CDC42BPB: variants seen among roughly 807,000 people sequenced by gnomAD.
CDC42BPB encodes the protein serine/threonine-protein kinase MRCK beta.
Under a neutral mutation model 214.9 loss-of-function variants are expected in CDC42BPB, and 37 were observed. That is an observed-to-expected ratio of 0.17 (90% CI 0.13 to 0.23). The LOEUF is 0.23. CDC42BPB is among the 10% of genes least tolerant of loss of function. The probability of loss-of-function intolerance (pLI) is 1.00; values close to 1 mark genes in which losing one functional copy is unlikely to be tolerated. For synonymous variants in CDC42BPB, 931 were observed against 884.0 expected, an observed-to-expected ratio of 1.05 and a Z score of -0.94; for missense variants, 1,694 against 2,227.0, an observed-to-expected ratio of 0.76 and a Z score of 4.82.
chr14:102,980,798 A>G lies in CDC42BPB; in HGVS notation c.1115T>C (p.Val372Ala). The change falls in exon 8 of 37, where the codon GTG (valine) becomes GCG (alanine). Residue 372 changes from valine to alanine, a missense_variant. By Grantham distance (64) the Val-to-Ala change is moderately conservative. Coordinates refer to ENST00000361246, the MANE Select transcript of CDC42BPB (RefSeq NM_006035.4). ...CGTGTTTCTCAGCACGTCGTCATCC[A>G]CGTCGAAGTTGGATGTGTCAGAGGG... ...SSPSDTSNFD[V>A]DDDVLRNTEI... 6.2e-7 allele frequency: 1 copy of G among 1,614,190 alleles called. No individual in the cohort carries two copies. Among genetic ancestry groups the G allele is most frequent in the Non-Finnish European group, 8.5e-7 (1 of 1,180,014 alleles).
intron 12 of CDC42BPB, among the ~76,000 whole-genome samples, chr14:102,973,264 C>G (rs912519169): frequency 6.6e-6 from 1 of 152,170 alleles, no homozygotes; most frequent in African/African-American, 2.4e-5. Flanking sequence ...CGTGGATGAC[C>G]CACAGATTAT....
intron 16 of CDC42BPB, 123 bp downstream of exon 16, chr14:102,968,130 G>T: frequency 1.5e-6 from 1 of 653,448 alleles, no homozygotes; most frequent in Non-Finnish European, 2.6e-6. Flanking sequence ...ACTCAAGAAT[G>T]ACGACATTCT....
rs539699380 is a variant in CDC42BPB, at chr14:103,004,569, C to A, written c.352-546G>T. Among the ~76,000 whole-genome samples the A allele has an allele frequency of 6.6e-6, 1 of 152,220 alleles. No individual in the cohort carries two copies. Among genetic ancestry groups the A allele is most frequent in the Non-Finnish European group, 1.5e-5 (1 of 68,044 alleles). On this transcript the variant is annotated intron_variant, in intron 3 of 36. Transcript: ENST00000361246. This position sits in a 1 kb window ranked among gnomAD's most constrained non-coding sequence, Gnocchi z 5.3. ...CAAGAGGCTGCCCTCTACCCTGCTA[C>A]GTCTTCCAAAAGAGTTTTAATGCCC...
At chr14:103,024,877 T>A (rs1427841237) in intron 1 of CDC42BPB, among the ~76,000 whole-genome samples, 1 of 152,154 alleles carries the variant, frequency 6.6e-6, no homozygotes, top group East Asian at 1.9e-4. Context: ...CTGGGTCCAG[T>A]CTAAATGTTT....
intron 25 of CDC42BPB, chr14:102,950,208 T>C: frequency 2.9e-6 from 2 of 680,266 alleles, no homozygotes; most frequent in Non-Finnish European, 3.6e-6. Context: ...AGACTGAGCT[T>C]CTGCCCACTG....
intron 21 of CDC42BPB, chr14:102,956,309 G>A: frequency 8.2e-6 from 2 of 243,622 alleles, no homozygotes; most frequent in Non-Finnish European, 1.3e-5. Flanking sequence ...TAACAGACAG[G>A]AGGAACAAAC....
rs1893243497 is a variant in CDC42BPB, at chr14:102,967,083, C to A, written c.2434G>T (p.Ala812Ser). The A allele has an allele frequency of 6.2e-7, 1 of 1,614,056 alleles. No homozygotes were observed. Among genetic ancestry groups the A allele is most frequent in the East Asian group, 2.2e-5 (1 of 44,886 alleles). ...TCCGCAATCTGAGCTTCCCAGTGGG[C>A]CACTGACTCCTTCTTGGCTGCCAGA... is the stretch of plus-strand genomic sequence containing the variant. ...QDLAAKKESV[A>S]HWEAQIAEII... Residue 812 changes from alanine to serine, a missense_variant, in exon 17 of 37, where the codon GCC becomes TCC. This residue lies in a region of CDC42BPB where 462 missense variants were observed against 513.5 expected (regional missense o/e 0.90). Transcript: ENST00000361246.
intron 8 of CDC42BPB, 79 bp downstream of exon 8, chr14:102,980,694 T>G: frequency 2.9e-6 from 4 of 1,392,706 alleles, no homozygotes; most frequent in Non-Finnish European, 4.0e-6. Context: ...TGTACTGACT[T>G]GATAAGCAAC....
intron 3 of CDC42BPB, among the ~76,000 whole-genome samples, chr14:103,006,999 C>T (rs983256539): frequency 2.6e-5 from 4 of 152,028 alleles, no homozygotes; most frequent in African/African-American, 4.8e-5. Flanking sequence ...CTGTTTGGGG[C>T]GGGGAAAGGG....
chr14:102,983,947 T>C (rs1408729548), intron 6 of CDC42BPB, 191 bp from the exon 7 acceptor site: 2 of 959,356 alleles, frequency 2.1e-6, no homozygotes, highest in Non-Finnish European at 2.5e-6. Context: ...CTCAGCTACT[T>C]GGGAGGCTGA....
intron 1 of CDC42BPB, among the ~76,000 whole-genome samples, chr14:103,053,557 C>A (rs186597691): frequency 1.5e-4 from 23 of 151,374 alleles, no homozygotes; most frequent in South Asian, 4.2e-4. Context: ...GTCTGGAGAT[C>A]GAGACCATCC....
intron 1 of CDC42BPB, among the ~76,000 whole-genome samples, chr14:103,030,330 T>C (rs1332100765): frequency 6.6e-6 from 1 of 152,262 alleles, no homozygotes; most frequent in Admixed American, 6.5e-5. Context: ...CAAAGAAAGT[T>C]TGAGGAGCAT....
intron 21 of CDC42BPB, 71 bp downstream of exon 21, chr14:102,959,560 A>G: frequency 1.9e-6 from 2 of 1,080,532 alleles, no homozygotes; most frequent in East Asian, 4.8e-5. Flanking sequence ...ATGAGTGGTA[A>G]AATCATATAT....
At chr14:102,996,536 G>A (rs912670556) in intron 5 of CDC42BPB, among the ~76,000 whole-genome samples, 1 of 152,012 alleles carries the variant, frequency 6.6e-6, no homozygotes, top group Non-Finnish European at 1.5e-5. Context: ...TTATGGGCCG[G>A]GGGAGGTGGC....
At chr14:102,979,372 C>T (rs1893898269) in intron 8 of CDC42BPB, among the ~76,000 whole-genome samples, 2 of 152,026 alleles carry the variant, frequency 1.3e-5, no homozygotes, top group Non-Finnish European at 2.9e-5. Flanking sequence ...CTATCATGCC[C>T]GGCTAATTTT....
At chr14:102,946,994 A>T in intron 27 of CDC42BPB, 1 of 421,852 alleles carries the variant, frequency 2.4e-6, no homozygotes, top group Non-Finnish European at 3.2e-6. Context: ...TTATAAAAGT[A>T]GATTCTGAAA....
intron 11 of CDC42BPB, among the ~76,000 whole-genome samples, chr14:102,974,902 TG>T (rs1566873200): frequency 6.6e-6 from 1 of 152,004 alleles, no homozygotes; most frequent in African/African-American, 2.4e-5. Flanking sequence ...GCCGAGATCA[TG>T]CCACTGCACT....
intron 16 of CDC42BPB, 114 bp downstream of exon 16, chr14:102,968,139 C>T (rs1893303014): frequency 1.6e-5 from 11 of 690,064 alleles, no homozygotes; most frequent in Non-Finnish European, 2.4e-5. Flanking sequence ...TGACGACATT[C>T]TACTCCCCCA....
At chr14:102,946,727 G>T (rs1231359384) in intron 27 of CDC42BPB, 43 bp from the exon 28 acceptor site, 2 of 1,603,914 alleles carry the variant, frequency 1.2e-6, no homozygotes, top group Non-Finnish European at 8.5e-7. Context: ...GTCATCAAAC[G>T]CCAAAGCCGC....
Sources: allele counts gnomAD v4.1 joint callset (sites outside exome capture counted in the v4.1 genomes callset), GRCh38; gene constraint gnomAD v4.1.1; regional missense constraint gnomAD v4.1.1; non-coding constraint Gnocchi (gnomAD v3.1); transcripts MANE v1.5; gene names NCBI Gene and HGNC (gene_info 2026-07-23, HGNC 2026-07-21).